The following EPHB1 variants were observed in gnomAD, a reference collection of about 807,000 sequenced individuals.
The protein encoded by EPHB1 is EPH receptor B1.
Under a neutral mutation model 94.4 loss-of-function variants are expected in EPHB1, and 30 were observed. The observed-to-expected ratio is 0.32, with a 90% CI of 0.24 to 0.43. The LOEUF is 0.43. Ranked by LOEUF, EPHB1 falls within the 20% of genes least tolerant of loss-of-function variation. The probability of loss-of-function intolerance (pLI) is 1.00; values close to 1 mark genes in which losing one functional copy is unlikely to be tolerated. For missense variants in EPHB1, 1,055 were observed against 1,308.3 expected, an observed-to-expected ratio of 0.81 and a Z score of 2.99; for synonymous variants, 522 against 489.1, an observed-to-expected ratio of 1.07 and a Z score of -0.89.
At chr3:135,030,031 C>G (rs1266256672) in intron 3 of EPHB1, among the ~76,000 whole-genome samples, 3 of 151,226 alleles carry the variant, frequency 2.0e-5, no homozygotes, top group African/African-American at 7.3e-5. Context: ...CCTGAGGCTT[C>G]TGCATTCTTC....
chr3:134,852,438 G>A (rs2280157), intron 1 of EPHB1: 83,215 of 152,036 alleles, frequency 0.55, 25,589 homozygotes, highest in East Asian at 0.8. Flanking sequence ...GCCCCATATC[G>A]CCTTTGAGCA....
chr3:134,860,798 CA>C lies in EPHB1; in HGVS notation c.59-64998del, dbSNP rs10666494. Among the ~76,000 whole-genome samples the C allele has an allele frequency of 4.1e-3, 384 of 93,706 alleles. 1 individual carries two copies. Among genetic ancestry groups the C allele is most frequent in the African/African-American group, 0.013 (298 of 22,406 alleles). The allele number at this position is 93,706 out of a possible 152,430, so 61.5% of individuals were successfully genotyped here. ...ACTGCACTCCAGCCTGGCCAGGTGA[CA>C]AAAAAAAAAAAAAAAAAAAGATTTC... On this transcript the variant is annotated intron_variant, in intron 1 of 15. Transcript: ENST00000398015.
intron 5 of EPHB1, among the ~76,000 whole-genome samples, chr3:135,147,252 A>C (rs1214564768): frequency 6.6e-6 from 1 of 152,212 alleles, no homozygotes; most frequent in Non-Finnish European, 1.5e-5. Context: ...ACAGGTAGTT[A>C]GTCCAAGGAT....
intron 3 of EPHB1, among the ~76,000 whole-genome samples, chr3:134,977,681 T>C (rs1038110635): frequency 6.6e-6 from 1 of 152,214 alleles, no homozygotes; most frequent in South Asian, 2.1e-4. Flanking sequence ...TTCTGCGACT[T>C]TCCCTCAACA....
intron 3 of EPHB1, among the ~76,000 whole-genome samples, chr3:135,053,376 A>G (rs1240868319): frequency 6.6e-6 from 1 of 152,126 alleles, no homozygotes; most frequent in Non-Finnish European, 1.5e-5. Flanking sequence ...CAGTTACTCA[A>G]TAAGTTAAAT....
chr3:134,895,139 G>A (rs2038063216), intron 1 of EPHB1, among the ~76,000 whole-genome samples: 1 of 152,142 alleles, frequency 6.6e-6, no homozygotes, highest in African/African-American at 2.4e-5. Context: ...TGCAAAATAG[G>A]AGTCTACATT....
intron 1 of EPHB1, chr3:134,796,421 C>T (rs760355851): frequency 6.6e-6 from 1 of 152,204 alleles, no homozygotes; most frequent in Non-Finnish European, 1.5e-5. Context: ...CCTAAAGTCT[C>T]CCAGCCTCTC....
chr3:135,026,591 G>A (rs1315820279), intron 3 of EPHB1, among the ~76,000 whole-genome samples: 1 of 141,610 alleles, frequency 7.1e-6, no homozygotes, highest in Admixed American at 7.1e-5. Context: ...TTTGGTACCA[G>A]TACCATGCTG....
chr3:135,239,465 G>A (rs1221879415), intron 12 of EPHB1, among the ~76,000 whole-genome samples: 1 of 152,178 alleles, frequency 6.6e-6, no homozygotes, highest in Non-Finnish European at 1.5e-5. Context: ...TGCCGTCCCT[G>A]CTCTGTGCTG....
chr3:134,911,997 G>C (rs1260865771), intron 1 of EPHB1, among the ~76,000 whole-genome samples: 1 of 152,244 alleles, frequency 6.6e-6, no homozygotes, highest in African/African-American at 2.4e-5. Context: ...AATCAGGACT[G>C]AGGGCCCAGG....
chr3:135,089,022 G>C (rs1280976819), intron 3 of EPHB1, among the ~76,000 whole-genome samples: 1 of 152,156 alleles, frequency 6.6e-6, no homozygotes. Context: ...GGAAACTGAG[G>C]CTTAAAAAGG....
rs544641168 is a variant in EPHB1, at chr3:134,969,061, A to C, written c.805+17009A>C. Among the ~76,000 whole-genome samples the C allele has an allele frequency of 2.0e-5, 3 of 152,324 alleles. No individual in the cohort carries two copies. In the East Asian group the frequency reaches 5.8e-4, roughly 29 times the overall value. On this transcript the variant is annotated intron_variant, in intron 3 of 15. Coordinates refer to ENST00000398015, the MANE Select transcript of EPHB1 (RefSeq NM_004441.5). ...CCCAGGCAAGCTCTTATTGAGTCAT[A>C]TGGAAATTGTATGTTTAACTGCTAG...
chr3:135,027,654 A>C (rs1383642948), intron 3 of EPHB1, among the ~76,000 whole-genome samples: 1 of 151,710 alleles, frequency 6.6e-6, no homozygotes, highest in Non-Finnish European at 1.5e-5. Context: ...AATGTTCATC[A>C]AGGATATTGG....
At chr3:135,199,802 T>C (rs1942710366) in intron 11 of EPHB1, among the ~76,000 whole-genome samples, 1 of 152,256 alleles carries the variant, frequency 6.6e-6, no homozygotes, top group Admixed American at 6.5e-5. Context: ...TTGTTGTTGT[T>C]GCTCCTAAGT....
chr3:134,923,388 T>C (rs2038727087), intron 1 of EPHB1, among the ~76,000 whole-genome samples: 1 of 152,180 alleles, frequency 6.6e-6, no homozygotes, highest in Admixed American at 6.5e-5. Flanking sequence ...CACAGGCACC[T>C]GCTGAGATAC....
chr3:134,998,775 T>A (rs1211470461), intron 3 of EPHB1, among the ~76,000 whole-genome samples: 1 of 152,180 alleles, frequency 6.6e-6, no homozygotes, highest in Non-Finnish European at 1.5e-5. Context: ...CACCACTACA[T>A]CAACAGTGCC....
At chr3:134,888,430 C>T (rs9868465) in intron 1 of EPHB1, among the ~76,000 whole-genome samples, 6 of 152,166 alleles carry the variant, frequency 3.9e-5, no homozygotes, top group Non-Finnish European at 8.8e-5. Context: ...TTTTTCTGGG[C>T]CGGGTGTGGT....
intron 13 of EPHB1, among the ~76,000 whole-genome samples, chr3:135,243,399 G>A (rs1943842061): frequency 6.6e-6 from 1 of 152,180 alleles, no homozygotes; most frequent in Admixed American, 6.5e-5. Flanking sequence ...TTTGAGTGGA[G>A]GAGGTAAGGG....
intron 1 of EPHB1, among the ~76,000 whole-genome samples, chr3:134,868,313 G>A (rs2037423086): frequency 6.6e-6 from 1 of 152,126 alleles, no homozygotes. Context: ...GGACCCTAAG[G>A]CCATAGATGG....
Sources: allele counts gnomAD v4.1 joint callset (sites outside exome capture counted in the v4.1 genomes callset), GRCh38; gene constraint gnomAD v4.1.1; transcripts MANE v1.5; gene names NCBI Gene and HGNC (gene_info 2026-07-23, HGNC 2026-07-21).